PLEKHG1: variants seen among roughly 807,000 people sequenced by gnomAD.
The protein encoded by PLEKHG1 is pleckstrin homology and RhoGEF domain containing G1, also known as pleckstrin homology domain-containing family G member 1.
Under a neutral mutation model 100.8 loss-of-function variants are expected in PLEKHG1, and 44 were observed. The ratio of observed to expected loss-of-function variants is 0.44; its 90% CI spans 0.34 to 0.56. The LOEUF is 0.56. Ranked by LOEUF, PLEKHG1 falls within the 20% of genes least tolerant of loss-of-function variation. The pLI, the probability that PLEKHG1 is intolerant of heterozygous loss-of-function variation, is 0.01. For missense variants in PLEKHG1, 1,545 were observed against 1,720.9 expected (o/e 0.90, Z 1.81); for synonymous variants, 640 against 662.5 (o/e 0.97, Z 0.52).
intron 1 of PLEKHG1, among the ~76,000 whole-genome samples, chr6:150,614,685 A>C (rs1183143545): frequency 1.3e-5 from 2 of 149,926 alleles, no homozygotes; most frequent in South Asian, 2.1e-4. Context: ...GCTCTCCCTC[A>C]CTCTCCCTCC....
chr6:150,749,385 A>G (rs1283293001), intron 2 of PLEKHG1, among the ~76,000 whole-genome samples: 2 of 152,210 alleles, frequency 1.3e-5, no homozygotes, highest in Admixed American at 1.3e-4. Context: ...TGGTTCAGAC[A>G]AAACCAGAGC....
At chr6:150,733,680 C>T (rs998871699) in exon 2 of PLEKHG1, 1 of 1,614,194 alleles carries the variant, frequency 6.2e-7, no homozygotes, top group African/African-American at 1.3e-5. Context: ...GAACTGAAGA[C>T]AATGGAGCTC....
intron 1 of PLEKHG1, among the ~76,000 whole-genome samples, chr6:150,627,453 G>A (rs1423666784): frequency 2.6e-5 from 4 of 152,090 alleles, no homozygotes; most frequent in Admixed American, 6.5e-5. Flanking sequence ...TTATTGTAGT[G>A]CAGATCCCAA....
intron 3 of PLEKHG1, among the ~76,000 whole-genome samples, chr6:150,691,925 C>T (rs1780361039): frequency 6.6e-6 from 1 of 152,226 alleles, no homozygotes; most frequent in South Asian, 2.1e-4. Context: ...AACTGTGTTT[C>T]CTCATTCACT....
At chr6:150,675,925 C>T (rs545183491) in intron 3 of PLEKHG1, among the ~76,000 whole-genome samples, 5 of 152,074 alleles carry the variant, frequency 3.3e-5, no homozygotes, top group South Asian at 2.1e-4. Flanking sequence ...ATAGATGAAA[C>T]GAGTAAAAAG....
chr6:150,701,062 A>G (rs113791482), intron 3 of PLEKHG1, among the ~76,000 whole-genome samples: 6,540 of 152,118 alleles, frequency 0.043, 453 homozygotes, highest in African/African-American at 0.15. Flanking sequence ...GCTTATGCCT[A>G]TAATCCCAGC....
rs186096157 is a variant in PLEKHG1, at chr6:150,820,530, G to A, written c.1409-665G>A. ...AGGAATGCAAGGATAAATAATCCACGTGACTCCTGCTTGCAAGGAGCTCAT... is the reference window on the plus strand; with the variant it reads ...AGGAATGCAAGGATAAATAATCCACATGACTCCTGCTTGCAAGGAGCTCAT... On this transcript the variant is annotated intron_variant, in intron 12 of 15. Transcript: ENST00000358517. 1.3e-4 allele frequency among the ~76,000 whole-genome samples: 20 copies of A among 152,206 alleles called. No individual in the cohort carries two copies. The East Asian group carries it at 2.5e-3, about 19-fold the overall frequency.
intron 2 of PLEKHG1, among the ~76,000 whole-genome samples, chr6:150,765,673 G>A (rs1359495118): frequency 1.3e-5 from 2 of 152,002 alleles, no homozygotes; most frequent in East Asian, 3.9e-4. Context: ...GTAGATCAGA[G>A]CTTCTCAAAC....
intron 2 of PLEKHG1, among the ~76,000 whole-genome samples, chr6:150,738,946 A>G (rs1344359999): frequency 2.6e-5 from 4 of 152,226 alleles, no homozygotes; most frequent in Admixed American, 2.6e-4. Flanking sequence ...ATAGAAATCC[A>G]TAGTTGGAAA....
chr6:150,620,418 A>T (rs1404570892), intron 1 of PLEKHG1, among the ~76,000 whole-genome samples: 3 of 152,096 alleles, frequency 2.0e-5, no homozygotes, highest in African/African-American at 7.2e-5. Flanking sequence ...CAGGGAAGAG[A>T]TTGCTGCTGC....
Position 150,795,395 on chromosome 6 carries a change from C to CAA in PLEKHG1, c.583-449_583-448dup, listed in dbSNP as rs34535873. Among the ~76,000 whole-genome samples the CAA allele has an allele frequency of 3.1e-3, 441 of 143,348 alleles. 1 individual carries two copies. The highest frequency in any genetic ancestry group is 0.025 in the Middle Eastern group (7 of 278). The allele number at this position is 143,348 out of a possible 152,430, so 94.0% of individuals were successfully genotyped here. ...TAGGCGACAGAGCGAGATTCCATCT[C>CAA]AAAAAAAAAAAAAGTAATTTTATTT... On this transcript the variant is annotated intron_variant, in intron 4 of 15. Transcript: ENST00000358517.
chr6:150,838,904 A>C (rs1018458408), intron 15 of PLEKHG1, among the ~76,000 whole-genome samples: 1 of 152,154 alleles, frequency 6.6e-6, no homozygotes, highest in Non-Finnish European at 1.5e-5. Context: ...GAGTTAGTCA[A>C]TACATGTGGT....
intron 3 of PLEKHG1, among the ~76,000 whole-genome samples, chr6:150,702,422 A>G (rs1191705952): frequency 1.3e-5 from 2 of 152,100 alleles, no homozygotes; most frequent in Non-Finnish European, 2.9e-5. Flanking sequence ...GAGAGCCAAG[A>G]TCATGCCATT....
At chr6:150,662,060 A>T (rs922532214) in intron 3 of PLEKHG1, among the ~76,000 whole-genome samples, 5 of 152,152 alleles carry the variant, frequency 3.3e-5, no homozygotes, top group Non-Finnish European at 7.4e-5. Flanking sequence ...AGAGTGTGTC[A>T]TGGACCACAG....
chr6:150,773,700 G>T (rs553228194), intron 3 of PLEKHG1, among the ~76,000 whole-genome samples: 1 of 152,142 alleles, frequency 6.6e-6, no homozygotes, highest in African/African-American at 2.4e-5. Context: ...GCCCTGTCAA[G>T]GAATTTTTTT....
intron 3 of PLEKHG1, among the ~76,000 whole-genome samples, chr6:150,771,626 A>G (rs369033956): frequency 2.0e-5 from 3 of 150,512 alleles, no homozygotes; most frequent in Non-Finnish European, 4.4e-5. Flanking sequence ...GCTCATTGCA[A>G]CCTCCGCCTC....
intron 3 of PLEKHG1, chr6:150,686,857 C>G (rs935514070): frequency 6.5e-6 from 1 of 152,704 alleles, no homozygotes; most frequent in Non-Finnish European, 1.5e-5. Context: ...GGCAGGACCA[C>G]GGCGACCTGG....
At chr6:150,745,079 A>G (rs370887595) in intron 2 of PLEKHG1, among the ~76,000 whole-genome samples, 1 of 152,224 alleles carries the variant, frequency 6.6e-6, no homozygotes, top group South Asian at 2.1e-4. Flanking sequence ...GAGAAATGTC[A>G]GGTGATTTTA....
At chr6:150,661,935 T>C (rs1012444748) in intron 3 of PLEKHG1, among the ~76,000 whole-genome samples, 5 of 152,070 alleles carry the variant, frequency 3.3e-5, no homozygotes, top group African/African-American at 1.2e-4. Flanking sequence ...GGCAAGAGCT[T>C]AGGTGGAATG....
Sources: gnomAD v4.1 joint callset for allele counts (sites outside exome capture counted in the v4.1 genomes callset) on GRCh38, gnomAD v4.1.1 for gene constraint, MANE v1.5 for transcripts, NCBI Gene and HGNC (gene_info 2026-07-23, HGNC 2026-07-21) for gene names.